The following KRT39 variants were observed in gnomAD, a reference collection of about 807,000 sequenced individuals.
KRT39 encodes keratin 39.
KRT39 carries 47 observed loss-of-function variants against 54.8 expected under a neutral mutation model. The ratio of observed to expected loss-of-function variants is 0.86; its 90% CI spans 0.68 to 1.09. The LOEUF is 1.09. Ranked by LOEUF, KRT39 falls within the 50% of genes least tolerant of loss-of-function variation. The pLI is 0.00. For missense variants in KRT39, 580 were observed against 598.5 expected (o/e 0.97, Z 0.32); for synonymous variants, 207 against 227.9 (o/e 0.91, Z 0.83).
intron 5 of KRT39, 191 bp from the exon 6 acceptor site, chr17:40,960,692 A>T (rs1911117789): frequency 1.7e-6 from 1 of 589,014 alleles, no homozygotes; most frequent in Non-Finnish European, 3.0e-6. Flanking sequence ...GCTTTCCTTT[A>T]TCTCTTCCCT....
rs1289274614 is a variant in KRT39, at chr17:40,963,762, T to C, written c.573A>G (p.Leu191=). 3 of 1,593,676 alleles carry C rather than the reference T, an allele frequency of 1.9e-6. No homozygotes were observed. Among genetic ancestry groups the C allele is most frequent in the African/African-American group, 1.3e-5 (1 of 74,636 alleles). Reference sequence around the variant, plus strand: ...TGGCATCTGACTCTACCAGCTGGCGTAGAGACACCTCAGCTTCGTATCTTT... The same window carrying C: ...TGGCATCTGACTCTACCAGCTGGCGCAGAGACACCTCAGCTTCGTATCTTT... ...LRAKYEAEVS[L]RQLVESDANG... The change falls in exon 3 of 7, where the codon CTA becomes CTG. Residue 191 remains leucine, a synonymous_variant. Coordinates refer to ENST00000355612, the MANE Select transcript of KRT39 (RefSeq NM_213656.4).
chr17:40,958,423 C>T lies in KRT39; in HGVS notation c.*178G>A. On this transcript the variant is annotated 3_prime_UTR_variant, in exon 7 of 7. Coordinates refer to ENST00000355612, the MANE Select transcript of KRT39 (RefSeq NM_213656.4). ...GAAATGTAATTTATTATCATGTTAG[C>T]AGTGGTGAGTTAGGGAAGGAGCAGA... is the stretch of plus-strand genomic sequence containing the variant. The T allele has an allele frequency of 1.8e-6, 1 of 557,686 alleles. No homozygotes were observed. The allele number at this position is 557,686 out of a possible 1,614,324, so 34.5% of individuals were successfully genotyped here.
chr17:40,959,442 T>C lies in KRT39; in HGVS notation c.1218-583A>G, dbSNP rs561854225. On this transcript the variant is annotated intron_variant, in intron 6 of 6. Coordinates refer to ENST00000355612, the MANE Select transcript of KRT39 (RefSeq NM_213656.4). Reference sequence around the variant, plus strand: ...CTTCTGGCTGTCTATGCATAGTTTTTAGAGAACTGAAGTAAAAAGCAGTTC... The same window carrying C: ...CTTCTGGCTGTCTATGCATAGTTTTCAGAGAACTGAAGTAAAAAGCAGTTC... Among the ~76,000 whole-genome samples, 5 of 152,340 alleles carry C rather than the reference T, an allele frequency of 3.3e-5. No individual in the cohort carries two copies. The South Asian group carries it at 1.0e-3, about 32-fold the overall frequency.
intron 5 of KRT39, 72 bp from the exon 6 acceptor site, chr17:40,960,573 TA>T (rs377435436): frequency 4.1e-5 from 46 of 1,122,264 alleles, no homozygotes; most frequent in Non-Finnish European, 5.3e-5. Context: ...CTGTATCATT[TA>T]AAAAAAATGG....
intron 1 of KRT39, among the ~76,000 whole-genome samples, chr17:40,965,843 AG>A (rs1911365599): frequency 6.6e-6 from 1 of 152,202 alleles, no homozygotes; most frequent in African/African-American, 2.4e-5. Context: ...TTATAATGGT[AG>A]AGTGTATTTC....
At position 40,960,448 on chromosome 17, in the gene KRT39, C is replaced by T. The variant is rs142335400; in HGVS notation, c.1050G>A (p.Leu350=). 4.8e-5 allele frequency: 77 copies of T among 1,614,064 alleles called. 1 individual carries two copies. Among genetic ancestry groups the T allele is most frequent in the South Asian group, 1.9e-4 (17 of 91,066 alleles). The change falls in exon 6 of 7, where the codon TTG becomes TTA. Residue 350 remains leucine (L), a synonymous_variant. Coordinates refer to ENST00000355612, the MANE Select transcript of KRT39 (RefSeq NM_213656.4). The part of the protein sequence containing the change: ...LTETEARYTA[L]LTQIQSLIDN... ...CAATCAGACTCTGGATCTGGGTCAG[C>T]AAGGCCGTGTAGCGAGCCTCTGTCT...
chr17:40,965,038 T>TA (rs201357863), intron 1 of KRT39, among the ~76,000 whole-genome samples: 1 of 125,432 alleles, frequency 8.0e-6, no homozygotes, highest in Admixed American at 7.3e-5. Context: ...CTACTAAAAA[T>TA]ATAAAAAAAA....
At chr17:40,961,022 T>G (rs1322580306) in intron 5 of KRT39, among the ~76,000 whole-genome samples, 4 of 152,038 alleles carry the variant, frequency 2.6e-5, no homozygotes, top group Non-Finnish European at 5.9e-5. Flanking sequence ...TCCCAGCTAC[T>G]TGGGAGGCTA....
At position 40,963,551 on chromosome 17, in the gene KRT39, G is replaced by A. The variant is rs533455548; in HGVS notation, c.708+76C>T. On this transcript the variant is annotated intron_variant, in intron 3 of 6. Coordinates refer to ENST00000355612, the MANE Select transcript of KRT39 (RefSeq NM_213656.4). ...ACTAATACAAGCGGGCACACCCTTT[G>A]TCAGGTGCAACTCAAAGGAACTGAT... is the stretch of plus-strand genomic sequence containing the variant. The A allele has an allele frequency of 2.9e-6, 4 of 1,395,174 alleles. No homozygotes were observed. In the East Asian group the frequency reaches 9.3e-5, roughly 33 times the overall value. 86.4% of individuals were successfully genotyped at this position (1,395,174 alleles called of 1,614,324 possible).
intron 2 of KRT39, 53 bp from the exon 3 acceptor site, chr17:40,963,836 C>T: frequency 6.9e-7 from 1 of 1,444,792 alleles, no homozygotes; most frequent in East Asian, 2.3e-5. Context: ...TGATGCAAAC[C>T]AAGCCAAGCA....
rs1567830228 is a variant in KRT39 at position 40,960,245 on chromosome 17, C to T, written c.1217+36G>A. 3 of 1,581,834 alleles carry T rather than the reference C, an allele frequency of 1.9e-6. No homozygotes were observed. The South Asian group carries it at 3.3e-5, about 17-fold the overall frequency. On this transcript the variant is annotated intron_variant, in intron 6 of 6. Transcript: ENST00000355612. ...GTACATATATCTGCGTTCATTTACA[C>T]TTTTTTGTCATAGAAGTTGCTGTTA...
At position 40,958,861 on chromosome 17, in the gene KRT39, T is replaced by A. The variant is rs1334280890; in HGVS notation, c.1218-2A>T. 1.3e-6 allele frequency: 2 copies of A among 1,565,006 alleles called. No individual in the cohort carries two copies. The highest frequency in any genetic ancestry group is 2.0e-5 in the Admixed American group (1 of 50,366). The stretch of plus-strand genomic sequence containing the variant: ...GTGGCACGTGGGTAACAGGGACGCC[T>A]AAGGAAAAAAAACACAATTTTAGCT... On this transcript the variant is annotated splice_acceptor_variant, in intron 6 of 6. Coordinates refer to ENST00000355612, the MANE Select transcript of KRT39 (RefSeq NM_213656.4). LOFTEE classifies it high-confidence loss of function.
rs566821441 is a variant in KRT39 at position 40,963,592 on chromosome 17, T to G, written c.708+35A>C. On this transcript the variant is annotated intron_variant, in intron 3 of 6. Coordinates refer to ENST00000355612, the MANE Select transcript of KRT39 (RefSeq NM_213656.4). ...AGGAACTGATGCTACTTTTAGGGACTTAGCTTGTGATTACTCTATTGGTCT... is the reference window on the plus strand; with the variant it reads ...AGGAACTGATGCTACTTTTAGGGACGTAGCTTGTGATTACTCTATTGGTCT... 1.1e-5 allele frequency: 17 copies of G among 1,560,112 alleles called. 2 individuals are homozygous for G. The South Asian group carries it at 1.9e-4, about 17-fold the overall frequency.
At chr17:40,965,217 A>T (rs1195622198) in intron 1 of KRT39, among the ~76,000 whole-genome samples, 1 of 147,568 alleles carries the variant, frequency 6.8e-6, no homozygotes, top group Non-Finnish European at 1.5e-5. Flanking sequence ...AAAAAAAAAA[A>T]ATACAAAAAT....
rs184475458 is a variant in KRT39 at position 40,963,174 on chromosome 17, T to C, written c.708+453A>G. ...AAACCAGAGTAGTACGTAGCAGTGGTTTGGCTCTGTGTCCCCACCCAAATC... is the reference window on the plus strand; with the variant it reads ...AAACCAGAGTAGTACGTAGCAGTGGCTTGGCTCTGTGTCCCCACCCAAATC... On this transcript the variant is annotated intron_variant, in intron 3 of 6. Transcript: ENST00000355612. 9.7e-4 allele frequency among the ~76,000 whole-genome samples: 148 copies of C among 152,220 alleles called. 1 individual carries two copies. The East Asian group carries it at 0.021, about 22-fold the overall frequency.
Position 40,964,454 on chromosome 17 carries a change from C to T in KRT39, c.543G>A (p.Leu181=), listed in dbSNP as rs751322087. The T allele has an allele frequency of 6.2e-7, 1 of 1,614,054 alleles. No homozygotes were observed. Among genetic ancestry groups the T allele is most frequent in the Non-Finnish European group, 8.5e-7 (1 of 1,179,970 alleles). The part of the protein sequence containing the change: ...IDNTKLTADD[L]RAKYEAEVSL... ...GTGTTGGGTGGGCTTACTTGGCTCT[C>T]AAGTCATCTGCAGTCAGTTTGGTGT... The change falls in exon 2 of 7, where the codon TTG becomes TTA. Residue 181 remains leucine, a synonymous_variant. Coordinates refer to ENST00000355612, the MANE Select transcript of KRT39 (RefSeq NM_213656.4).
At chr17:40,961,938 A>T (rs542896702) in intron 5 of KRT39, among the ~76,000 whole-genome samples, 1 of 152,198 alleles carries the variant, frequency 6.6e-6, no homozygotes, top group Admixed American at 6.5e-5. Context: ...TTCATGGTGT[A>T]TATTAGCTTA....
intron 1 of KRT39, among the ~76,000 whole-genome samples, chr17:40,965,203 C>CAA (rs72433921): frequency 1.5e-5 from 2 of 130,458 alleles, no homozygotes; most frequent in African/African-American, 5.5e-5. Context: ...GACTCCGTCT[C>CAA]AAAAAAAAAA....
chr17:40,962,973 G>A (rs1404681638), intron 3 of KRT39, among the ~76,000 whole-genome samples: 1 of 152,188 alleles, frequency 6.6e-6, no homozygotes, highest in Non-Finnish European at 1.5e-5. Context: ...GTATAGGGAT[G>A]CCTACAAACA....
Sources: gnomAD v4.1 joint callset for allele counts (sites outside exome capture counted in the v4.1 genomes callset) on GRCh38, gnomAD v4.1.1 for gene constraint, MANE v1.5 for transcripts, NCBI Gene and HGNC (gene_info 2026-07-23, HGNC 2026-07-21) for gene names.